Variants in ASPM observed in about 807,000 individuals in gnomAD.
ASPM encodes assembly factor for spindle microtubules, also known as abnormal spindle-like microcephaly-associated protein.
In ASPM, 256 loss-of-function variants were observed where a neutral mutation model predicts 366.4. The ratio of observed to expected loss-of-function variants is 0.70; its 90% CI spans 0.63 to 0.77. ASPM has a LOEUF of 0.77. Among genes scored for constraint, ASPM ranks in the 30% least tolerant of loss-of-function variants. The pLI, the probability that ASPM is intolerant of heterozygous loss-of-function variation, is 0.00. For synonymous variants in ASPM, 1,414 were observed against 1,342.9 expected (o/e 1.05, Z -1.16); for missense variants, 4,146 against 4,090.4 (o/e 1.01, Z -0.37).
chr1:197,123,668 A>T (rs769397367), intron 13 of ASPM, among the ~76,000 whole-genome samples: 3 of 152,122 alleles, frequency 2.0e-5, no homozygotes, highest in Non-Finnish European at 2.9e-5. Flanking sequence ...TTTTTTTCAT[A>T]TATTTACACT....
In ASPM at chr1:197,094,092, T is replaced by A; in HGVS notation, c.9076A>T (p.Met3026Leu). The change falls in exon 20 of 28, where the codon ATG (methionine) becomes TTG (leucine). Residue 3026 changes from methionine to leucine, a missense_variant. Coordinates refer to ENST00000367409, the MANE Select transcript of ASPM (RefSeq NM_018136.5). ...TAATTTTTAATACCTACTTTTATCA[T>A]TAAGAAGTGTTCATGAGCTATCTTT... ...PAKIAHEHFL[M>L]IKRHRAACLI... is the part of the protein sequence containing the mutation. The A allele has an allele frequency of 6.3e-7, 1 of 1,575,588 alleles. No individual in the cohort carries two copies. The highest frequency in any genetic ancestry group is 8.7e-7 in the Non-Finnish European group (1 of 1,150,508).
At position 197,143,407 on chromosome 1, in the gene ASPM, T is replaced by C. The variant is rs1481775564; in HGVS notation, c.845A>G (p.Asn282Ser). 2 of 1,613,994 alleles carry C rather than the reference T, an allele frequency of 1.2e-6. No individual in the cohort carries two copies. Among genetic ancestry groups the C allele is most frequent in the South Asian group, 2.2e-5 (2 of 91,076 alleles). Residue 282 changes from asparagine to serine, a missense_variant, in exon 3 of 28, where the codon AAT (asparagine) becomes AGT (serine). Physicochemically the swap from Asn to Ser is conservative, Grantham distance 46 (BLOSUM62 1). Around this residue, in one of 3 missense-constraint regions of ASPM, gnomAD observed 512 missense variants for 471.7 expected, o/e 1.09. Transcript: ENST00000367409. ...TCTTTGGCCATTAACATTTACGGAATTAAAGGAAGTTTCAGTTACAGCTTT... is the reference window on the plus strand; with the variant it reads ...TCTTTGGCCATTAACATTTACGGAACTAAAGGAAGTTTCAGTTACAGCTTT... Reference protein sequence around the residue: ...NEKAVTETSFNSVNVNGQRGE... With the variant: ...NEKAVTETSFSSVNVNGQRGE...
intron 3 of ASPM, 89 bp from the exon 4 acceptor site, chr1:197,139,960 T>A: frequency 1.1e-6 from 1 of 870,726 alleles, no homozygotes; most frequent in Non-Finnish European, 1.9e-6. Flanking sequence ...TTTGGGTTCT[T>A]CACAATCATA....
chr1:197,102,005 T>C lies in ASPM; in HGVS notation c.7246A>G (p.Ser2416Gly), dbSNP rs1657205342. 1.2e-6 allele frequency: 2 copies of C among 1,612,936 alleles called. No individual in the cohort carries two copies. Among genetic ancestry groups the C allele is most frequent in the South Asian group, 1.1e-5 (1 of 91,070 alleles). ...CTCACCAGTAATGATCTAAACCTACTCTGAATAAGGGTTGCAGAGGAATGC... is the reference window on the plus strand; with the variant it reads ...CTCACCAGTAATGATCTAAACCTACCCTGAATAAGGGTTGCAGAGGAATGC... ...SMHSSATLIQSRFRSLLVRRR... is the reference protein window; with the variant it reads ...SMHSSATLIQGRFRSLLVRRR... Residue 2416 changes from serine to glycine, a missense_variant, in exon 18 of 28, where the codon AGT becomes GGT. Ser to Gly is a moderately conservative substitution (Grantham distance 56). This residue lies in a region of ASPM where 3,624 missense variants were observed against 3,591.7 expected (regional missense o/e 1.01). Transcript: ENST00000367409.
chr1:197,117,720 A>G (rs1657778661), intron 17 of ASPM, 69 bp downstream of exon 17: 2 of 1,323,254 alleles, frequency 1.5e-6, no homozygotes, highest in Admixed American at 2.0e-5. Flanking sequence ...ACTTCATCAC[A>G]TTTTGCCTTC....
At chr1:197,129,057 C>CCTATTTTA in intron 9 of ASPM, 130 bp downstream of exon 9, 1 of 1,005,882 alleles carries the variant, frequency 9.9e-7, no homozygotes, top group South Asian at 1.7e-5. Flanking sequence ...GACAGGCATT[C>CCTATTTTA]CTATTTTACT....
At chr1:197,132,872 A>C (rs565519115) in intron 6 of ASPM, among the ~76,000 whole-genome samples, 1 of 152,182 alleles carries the variant, frequency 6.6e-6, no homozygotes, top group African/African-American at 2.4e-5. Flanking sequence ...AAATAGCCTA[A>C]GCATAGAAAA....
intron 25 of ASPM, among the ~76,000 whole-genome samples, chr1:197,088,964 T>C (rs1297667888): frequency 6.6e-6 from 1 of 151,900 alleles, no homozygotes; most frequent in African/African-American, 2.4e-5. Context: ...ATTAGATTCA[T>C]AGTGAAATTT....
chr1:197,124,964 G>C lies in ASPM; in HGVS notation c.3083-9C>G, dbSNP rs368840303. ...AGATAGAATTGTATTTCCTATAAAAGAAAAGGTTGTCCATTAGCATAATGT... is the reference window on the plus strand; with the variant it reads ...AGATAGAATTGTATTTCCTATAAAACAAAAGGTTGTCCATTAGCATAATGT... On this transcript the variant is annotated splice_polypyrimidine_tract_variant and intron_variant, in intron 11 of 27. Transcript: ENST00000367409. 9.9e-6 allele frequency: 16 copies of C among 1,609,214 alleles called. No homozygotes were observed. The African/African-American group carries it at 1.9e-4, about 19-fold the overall frequency.
chr1:197,088,332 GCAACTTTATTAC>G lies in ASPM; in HGVS notation c.10073_10084del (p.Gly3358_Val3361del), dbSNP rs1291208935. The G allele has an allele frequency of 1.2e-6, 2 of 1,613,352 alleles. No homozygotes were observed. On this transcript the variant is annotated inframe_deletion, in exon 26 of 28. Transcript: ENST00000367409. ...TGTAAAAATGCTTCCGCCTTTGTCT[GCAACTTTATTAC>G]CAGGCTTTTCTCGGTATATCTGCAA...
chr1:197,104,529 T>G lies in ASPM; in HGVS notation c.4722A>C (p.Gln1574His). 3 of 1,612,764 alleles carry G rather than the reference T, an allele frequency of 1.9e-6. No individual in the cohort carries two copies. Among genetic ancestry groups the G allele is most frequent in the Middle Eastern group, 1.7e-4 (1 of 6,050 alleles). Residue 1574 changes from glutamine (Q) to histidine (H), a missense_variant, in exon 18 of 28, where the codon CAA (glutamine) becomes CAC (histidine). Transcript: ENST00000367409. Reference sequence around the variant, plus strand: ...TAAGGTTTAAAAATCGAACTCTGTCTTGTCTCATTCTCCAGTATGACTGAA... The same window carrying G: ...TAAGGTTTAAAAATCGAACTCTGTCGTGTCTCATTCTCCAGTATGACTGAA... ...CVIQSYWRMR[Q>H]DRVRFLNLKK...
intron 1 of ASPM, 82 bp downstream of exon 1, chr1:197,146,059 G>A: frequency 1.9e-6 from 3 of 1,559,520 alleles, no homozygotes; most frequent in Non-Finnish European, 2.7e-6. Context: ...TTCTCCAATC[G>A]TCAACCTTCC....
At chr1:197,088,093 C>T (rs1656655451) in intron 26 of ASPM, 163 bp downstream of exon 26, 3 of 687,088 alleles carry the variant, frequency 4.4e-6, no homozygotes, top group Non-Finnish European at 7.3e-6. Context: ...AAAGAAACAA[C>T]TCATAGATAC....
At chr1:197,119,387 T>C (rs995664032) in intron 16 of ASPM, among the ~76,000 whole-genome samples, 2 of 152,118 alleles carry the variant, frequency 1.3e-5, no homozygotes, top group African/African-American at 4.8e-5. Flanking sequence ...AGTTCAGAAG[T>C]ATATTGCATT....
intron 17 of ASPM, among the ~76,000 whole-genome samples, chr1:197,105,644 C>T (rs760338038): frequency 6.6e-6 from 1 of 151,782 alleles, no homozygotes; most frequent in Middle Eastern, 3.2e-3. Context: ...ACATTACAGG[C>T]CTGATAATAT....
At position 197,101,805 on chromosome 1, in the gene ASPM, C is replaced by T. The variant is rs777810828; in HGVS notation, c.7446G>A (p.Arg2482=). The change falls in exon 18 of 28, where the codon AGG becomes AGA. Residue 2482 remains arginine, a synonymous_variant. Coordinates refer to ENST00000367409, the MANE Select transcript of ASPM (RefSeq NM_018136.5). Reference sequence around the variant, plus strand: ...AAGTAGCCTGAATGAGAACTGCAGCCCTTTGCATTTCTTGTAACTTCTTCT... The same window carrying T: ...AAGTAGCCTGAATGAGAACTGCAGCTCTTTGCATTTCTTGTAACTTCTTCT... ...MVKKKLQEMQ[R]AAVLIQATFR... 1 of 1,612,690 alleles carries T rather than the reference C, an allele frequency of 6.2e-7. No homozygotes were observed. The highest frequency in any genetic ancestry group is 1.1e-5 in the South Asian group (1 of 91,058).
At chr1:197,144,932 T>C (rs976346846) in intron 1 of ASPM, among the ~76,000 whole-genome samples, 2 of 152,182 alleles carry the variant, frequency 1.3e-5, no homozygotes, top group Non-Finnish European at 2.9e-5. Flanking sequence ...TATAAAATAG[T>C]TTATTCTAAA....
At position 197,142,632 on chromosome 1, in the gene ASPM, ATCT is replaced by A. The variant is rs748154747; in HGVS notation, c.1617_1619del (p.Glu539del). 15 of 1,612,116 alleles carry A rather than the reference ATCT, an allele frequency of 9.3e-6. No individual in the cohort carries two copies. The highest frequency in any genetic ancestry group is 1.6e-4 in the Middle Eastern group (1 of 6,080). ...CTATAATTGGAAGATAAGAATGAAAATCTTCTTTTTCCTTTTGATTATTTATTA... is the reference window on the plus strand; with the variant it reads ...CTATAATTGGAAGATAAGAATGAAAATCTTTTTCCTTTTGATTATTTATTA... On this transcript the variant is annotated inframe_deletion, in exon 3 of 28. Transcript: ENST00000367409.
intron 8 of ASPM, 79 bp from the exon 9 acceptor site, chr1:197,129,396 A>ATAC: frequency 6.7e-7 from 1 of 1,481,486 alleles, no homozygotes; most frequent in South Asian, 1.2e-5. Flanking sequence ...AATAATAATA[A>ATAC]TAAGGTGTTA....
Sources: gnomAD v4.1 joint callset for allele counts (sites outside exome capture counted in the v4.1 genomes callset) on GRCh38, gnomAD v4.1.1 for gene constraint, gnomAD v4.1.1 regional missense constraint, MANE v1.5 for transcripts, NCBI Gene and HGNC (gene_info 2026-07-23, HGNC 2026-07-21) for gene names.